AATK: variants seen among roughly 807,000 people sequenced by gnomAD.
AATK encodes serine/threonine-protein kinase LMTK1.
A neutral mutation model predicts 114.3 loss-of-function variants in AATK; 91 were observed. That is an observed-to-expected ratio of 0.80 (90% CI 0.67 to 0.95). The LOEUF (loss-of-function observed/expected upper bound fraction) is 0.95, where lower values mean the gene tolerates loss of function less well. AATK is among the 40% of genes least tolerant of loss of function. The pLI is 0.00. For missense variants in AATK, 2,176 were observed against 1,965.2 expected (o/e 1.11, Z -2.03); for synonymous variants, 1,075 against 916.5 (o/e 1.17, Z -3.12).
At chr17:81,146,228 A>T (rs1454372541) in intron 1 of AATK, among the ~76,000 whole-genome samples, 2 of 148,346 alleles carry the variant, frequency 1.3e-5, no homozygotes, top group Non-Finnish European at 3.0e-5. Flanking sequence ...GGGCGTGGTG[A>T]TGCACACCTG....
At position 81,118,057 on chromosome 17, in the gene AATK, A is replaced by T; in HGVS notation, c.*345T>A. Reference sequence around the variant, plus strand: ...TGGGGCATGCGGGTCCTCCGAGGCCAGGCAGGCAGGGCAGAGGGTGGGGGC... The same window carrying T: ...TGGGGCATGCGGGTCCTCCGAGGCCTGGCAGGCAGGGCAGAGGGTGGGGGC... On this transcript the variant is annotated 3_prime_UTR_variant, in exon 14 of 14. Coordinates refer to ENST00000326724, the MANE Select transcript of AATK (RefSeq NM_001080395.3). The T allele has an allele frequency of 3.9e-6, 1 of 257,170 alleles. No individual in the cohort carries two copies. The highest frequency in any genetic ancestry group is 7.5e-5 in the East Asian group (1 of 13,300). The allele number at this position is 257,170 out of a possible 1,614,324, so 15.9% of individuals were successfully genotyped here.
chr17:81,118,514 T>C, intron 13 of AATK, 72 bp from the exon 14 acceptor site: 1 of 1,520,484 alleles, frequency 6.6e-7, no homozygotes, highest in Non-Finnish European at 9.0e-7. Flanking sequence ...AACTCCCACC[T>C]GGCCTCCATC....
intron 2 of AATK, chr17:81,131,780 C>T: frequency 8.1e-7 from 1 of 1,232,976 alleles, no homozygotes; most frequent in Non-Finnish European, 1.1e-6. Context: ...ATTCCATCAC[C>T]CCCTGCCCCA....
At position 81,127,606 on chromosome 17, in the gene AATK, G is replaced by C. The variant is rs1434886273; in HGVS notation, c.598C>G (p.Leu200Val). Reference sequence around the variant, plus strand: ...ACCAGTGGGCAGAACTCCATCACCAGCAGGTAGGGCGTCACCTCGGCGCAC... The same window carrying C: ...ACCAGTGGGCAGAACTCCATCACCACCAGGTAGGGCGTCACCTCGGCGCAC... ...AQCAEVTPYL[L>V]VMEFCPLGDL... The change falls in exon 6 of 14, where the codon CTG (leucine) becomes GTG (valine). Residue 200 changes from leucine (L) to valine (V), a missense_variant. Around this residue, in one of 4 missense-constraint regions of AATK, gnomAD observed 273 missense variants for 344.1 expected, o/e 0.79. Coordinates refer to ENST00000326724, the MANE Select transcript of AATK (RefSeq NM_001080395.3). 2.2e-5 allele frequency: 35 copies of C among 1,602,038 alleles called. No homozygotes were observed. The highest frequency in any genetic ancestry group is 2.9e-5 in the Non-Finnish European group (34 of 1,174,960).
At chr17:81,153,132 G>A (rs898078899) in intron 1 of AATK, among the ~76,000 whole-genome samples, 1 of 152,104 alleles carries the variant, frequency 6.6e-6, no homozygotes, top group Non-Finnish European at 1.5e-5. Flanking sequence ...ATGAGCCACC[G>A]CACCTGGCCT....
chr17:81,143,572 T>C (rs1464062953), intron 1 of AATK, among the ~76,000 whole-genome samples: 3 of 137,318 alleles, frequency 2.2e-5, no homozygotes, highest in Non-Finnish European at 4.8e-5. Context: ...CCCCCAGCCA[T>C]GCAGCCCCGC....
At position 81,122,468 on chromosome 17, in the gene AATK, A is replaced by C; in HGVS notation, c.1468T>G (p.Phe490Val). The C allele has an allele frequency of 6.9e-7, 1 of 1,450,898 alleles. No homozygotes were observed. Among genetic ancestry groups the C allele is most frequent in the Non-Finnish European group, 9.1e-7 (1 of 1,098,282 alleles). 89.9% of individuals were successfully genotyped at this position (1,450,898 alleles called of 1,614,324 possible). A position where few individuals can be genotyped will look rare whatever the true frequency, so the allele number is the denominator to read the frequency against. Residue 490 changes from phenylalanine (F) to valine (V), a missense_variant, in exon 11 of 14, where the codon TTC (phenylalanine) becomes GTC (valine). Phe to Val is a conservative substitution (Grantham distance 50). Coordinates refer to ENST00000326724, the MANE Select transcript of AATK (RefSeq NM_001080395.3). ...KWEAGRGAEA[F>V]PATLSPGRTA... ...CGGCCAGGGCTCAGCGTGGCCGGGAAGGCCTCCGCGCCGCGGCCCGCCTCC... is the reference window on the plus strand; with the variant it reads ...CGGCCAGGGCTCAGCGTGGCCGGGACGGCCTCCGCGCCGCGGCCCGCCTCC...
At position 81,166,212 on chromosome 17, in the gene AATK, G is replaced by A. The variant is rs923929109; in HGVS notation, c.-220C>T. On this transcript the variant is annotated 5_prime_UTR_variant, in exon 1 of 14. Transcript: ENST00000326724. Reference sequence around the variant, plus strand: ...GGCCCTGGCGCCGCGGGGCTCCGCTGGTGCAGTCCGAAAACGCGGGCGGGA... The same window carrying A: ...GGCCCTGGCGCCGCGGGGCTCCGCTAGTGCAGTCCGAAAACGCGGGCGGGA... 6.7e-6 allele frequency: 1 copy of A among 149,638 alleles called. No individual in the cohort carries two copies. The highest frequency in any genetic ancestry group is 2.5e-5 in the African/African-American group (1 of 39,350). 9.3% of individuals were successfully genotyped at this position (149,638 alleles called of 1,614,324 possible). A position where few individuals can be genotyped will look rare whatever the true frequency, so the allele number is the denominator to read the frequency against.
At chr17:81,134,528 G>C (rs1162995875) in intron 1 of AATK, 27 bp from the exon 2 acceptor site, 1 of 1,602,966 alleles carries the variant, frequency 6.2e-7, no homozygotes, top group Admixed American at 1.7e-5. Flanking sequence ...TGGTGAGAGT[G>C]GCCATGGCTG....
intron 1 of AATK, among the ~76,000 whole-genome samples, chr17:81,145,435 T>TA: frequency 6.6e-6 from 1 of 151,636 alleles, no homozygotes; most frequent in East Asian, 2.0e-4. Flanking sequence ...TTTGGCTCCG[T>TA]AAAAATGTCT....
intron 9 of AATK, among the ~76,000 whole-genome samples, chr17:81,124,058 G>T (rs2146294548): frequency 6.6e-6 from 1 of 152,302 alleles, no homozygotes; most frequent in Middle Eastern, 3.4e-3. Flanking sequence ...CCATGATGGG[G>T]CAGTCAAGTG....
chr17:81,120,161 A>AC (rs1433457702), intron 11 of AATK, 40 bp downstream of exon 11: 3 of 1,525,496 alleles, frequency 2.0e-6, no homozygotes, highest in South Asian at 1.2e-5. Flanking sequence ...CGGGAGCGCG[A>AC]CCCCCAGCCC....
At position 81,131,079 on chromosome 17, in the gene AATK, T is replaced by G; in HGVS notation, c.316A>C (p.Lys106Gln). ...CCCTCACCTGAGCGCCCAGGCTGCT[T>G]GGCCATGGGCAAGGAGACCTCCGTG... ...PLTEVSLPMA[K>Q]QPGRSVQLLK... The change falls in exon 3 of 14, where the codon AAG becomes CAG. Residue 106 changes from lysine to glutamine, a missense_variant. Transcript: ENST00000326724. The G allele has an allele frequency of 6.4e-7, 1 of 1,554,510 alleles. No homozygotes were observed. Among genetic ancestry groups the G allele is most frequent in the African/African-American group, 1.4e-5 (1 of 73,390 alleles).
At chr17:81,125,064 GTGCC>G (rs757263756) in intron 7 of AATK, 50 bp from the exon 8 acceptor site, 12 of 1,270,304 alleles carry the variant, frequency 9.4e-6, no homozygotes, top group African/African-American at 1.5e-5. Context: ...TGAGCAGGGT[GTGCC>G]GGGTGGGGGC....
In AATK at chr17:81,127,653, T is replaced by C. The variant is rs765646455; in HGVS notation, c.551A>G (p.Asn184Ser). The C allele has an allele frequency of 1.3e-6, 2 of 1,592,584 alleles. No individual in the cohort carries two copies. Among genetic ancestry groups the C allele is most frequent in the Admixed American group, 3.5e-5 (2 of 57,100 alleles). ...VQPYRALKHSNLLQCLAQCAE... is the reference protein window; with the variant it reads ...VQPYRALKHSSLLQCLAQCAE... Reference sequence around the variant, plus strand: ...GCACTGGGCCAGGCACTGGAGCAGGTTGCTGTGCTTCAGGGCCCTGCGGGA... The same window carrying C: ...GCACTGGGCCAGGCACTGGAGCAGGCTGCTGTGCTTCAGGGCCCTGCGGGA... Residue 184 changes from asparagine to serine, a missense_variant, in exon 6 of 14, where the codon AAC (asparagine) becomes AGC (serine). Physicochemically the swap from Asn to Ser is conservative, Grantham distance 46 (BLOSUM62 1). Around this residue, in one of 4 missense-constraint regions of AATK, gnomAD observed 273 missense variants for 344.1 expected, o/e 0.79. Coordinates refer to ENST00000326724, the MANE Select transcript of AATK (RefSeq NM_001080395.3).
chr17:81,139,864 G>A (rs902095119), intron 1 of AATK, among the ~76,000 whole-genome samples: 5 of 152,192 alleles, frequency 3.3e-5, no homozygotes, highest in Non-Finnish European at 5.9e-5. Context: ...TGTCCAGGCT[G>A]TGGCTTCTTA....
At chr17:81,131,865 C>T (rs2060937979) in intron 2 of AATK, 19 of 1,307,586 alleles carry the variant, frequency 1.5e-5, no homozygotes, top group African/African-American at 3.0e-5. Context: ...TCTGGGAGCC[C>T]AGAGCCAACC....
At chr17:81,138,799 C>CT in intron 1 of AATK, among the ~76,000 whole-genome samples, 1 of 30,684 alleles carries the variant, frequency 3.3e-5, no homozygotes, top group Non-Finnish European at 9.6e-5. Context: ...GCACACAATA[C>CT]CCACTTGCGC....
chr17:81,150,668 G>A (rs2061283478), intron 1 of AATK, among the ~76,000 whole-genome samples: 1 of 144,222 alleles, frequency 6.9e-6, no homozygotes, highest in African/African-American at 2.9e-5. Context: ...GGCTCCCCCT[G>A]GCACTGCCAC....
Sources: allele counts gnomAD v4.1 joint callset (sites outside exome capture counted in the v4.1 genomes callset), GRCh38; gene constraint gnomAD v4.1.1; regional missense constraint gnomAD v4.1.1; transcripts MANE v1.5; gene names NCBI Gene and HGNC (gene_info 2026-07-23, HGNC 2026-07-21).